Variants in TMEM108 observed in about 807,000 individuals in gnomAD.
The protein encoded by TMEM108 is transmembrane protein 108, also known as cancer/testis antigen 124.
TMEM108 carries 12 observed loss-of-function variants against 35.1 expected under a neutral mutation model. The ratio of observed to expected loss-of-function variants is 0.34; its 90% CI spans 0.22 to 0.55. The LOEUF (loss-of-function observed/expected upper bound fraction) is 0.55. Among genes scored for constraint, TMEM108 ranks in the 20% least tolerant of loss-of-function variants. The probability of loss-of-function intolerance (pLI) is 0.89; values close to 1 mark genes in which losing one functional copy is unlikely to be tolerated. For missense variants in TMEM108, 680 were observed against 753.3 expected, an observed-to-expected ratio of 0.90 and a Z score of 1.14; for synonymous variants, 287 against 308.6, an observed-to-expected ratio of 0.93 and a Z score of 0.73.
At chr3:133,371,433 A>G (rs1174105719) in intron 3 of TMEM108, among the ~76,000 whole-genome samples, 1 of 152,090 alleles carries the variant, frequency 6.6e-6, no homozygotes, top group African/African-American at 2.4e-5. Context: ...CTGAGGCTGA[A>G]GGCCGTGAAC....
chr3:133,174,059 T>G (rs6781099), intron 2 of TMEM108, among the ~76,000 whole-genome samples: 65,238 of 152,118 alleles, frequency 0.43, 14,364 homozygotes, highest in Middle Eastern at 0.51. Context: ...AGGGTCCTAT[T>G]CCCACGGAGC....
chr3:133,339,532 T>C (rs982763115), intron 3 of TMEM108, among the ~76,000 whole-genome samples: 3 of 151,970 alleles, frequency 2.0e-5, no homozygotes, highest in Non-Finnish European at 2.9e-5. Context: ...ACTTTCAGCA[T>C]TGGACAAATC....
intron 2 of TMEM108, among the ~76,000 whole-genome samples, chr3:133,187,214 T>C (rs1945433573): frequency 1.3e-5 from 2 of 152,336 alleles, no homozygotes; most frequent in East Asian, 1.9e-4. Flanking sequence ...TTTTATCTTA[T>C]ATTTTAATAT....
At chr3:133,082,252 A>C (rs1338178996) in intron 2 of TMEM108, among the ~76,000 whole-genome samples, 1 of 152,214 alleles carries the variant, frequency 6.6e-6, no homozygotes, top group Non-Finnish European at 1.5e-5. Flanking sequence ...GGGGGAAATA[A>C]ATGCTAATCA....
At chr3:133,377,994 A>AC (rs11319282) in intron 3 of TMEM108, among the ~76,000 whole-genome samples, 34 of 150,628 alleles carry the variant, frequency 2.3e-4, no homozygotes, top group African/African-American at 4.1e-4. Flanking sequence ...CCAAAACCAT[A>AC]CCCCCCCCGA....
At chr3:133,258,918 T>C (rs1166543173) in intron 3 of TMEM108, among the ~76,000 whole-genome samples, 2 of 152,250 alleles carry the variant, frequency 1.3e-5, no homozygotes, top group African/African-American at 4.8e-5. Flanking sequence ...AAATGTAAGA[T>C]TGAGAGAATG....
chr3:133,144,947 T>C (rs1944695460), intron 2 of TMEM108, among the ~76,000 whole-genome samples: 1 of 152,244 alleles, frequency 6.6e-6, no homozygotes, highest in South Asian at 2.1e-4. Flanking sequence ...TCTTTTGCTA[T>C]GCAGAAGCTC....
chr3:133,210,415 C>A (rs1179535309), intron 2 of TMEM108, among the ~76,000 whole-genome samples: 1 of 152,178 alleles, frequency 6.6e-6, no homozygotes, highest in Non-Finnish European at 1.5e-5. Context: ...GATTCCAAGA[C>A]TTGCTGATCA....
At chr3:133,101,416 C>A in intron 2 of TMEM108, among the ~76,000 whole-genome samples, 1 of 152,168 alleles carries the variant, frequency 6.6e-6, no homozygotes. Flanking sequence ...CAACGTGATC[C>A]TTCTTACATA....
rs1473772712 is a variant in TMEM108 at position 133,390,260 on chromosome 3, A to G, written c.1531A>G (p.Thr511Ala). ...PENNLSYWNNTITMDYFNRHA... is the reference protein window; with the variant it reads ...PENNLSYWNNAITMDYFNRHA... Reference sequence around the variant, plus strand: ...GAACAACCTGAGCTACTGGAACAACACCATCACCATGGACTACTTCAACAG... The same window carrying G: ...GAACAACCTGAGCTACTGGAACAACGCCATCACCATGGACTACTTCAACAG... The change falls in exon 5 of 6, where the codon ACC becomes GCC. Residue 511 changes from threonine (T) to alanine (A), a missense_variant. Coordinates refer to ENST00000321871, the MANE Select transcript of TMEM108 (RefSeq NM_023943.4). The G allele has an allele frequency of 8.7e-6, 14 of 1,614,020 alleles. No homozygotes were observed. Among genetic ancestry groups the G allele is most frequent in the Non-Finnish European group, 1.2e-5 (14 of 1,180,038 alleles).
At chr3:133,257,105 T>C (rs1375357077) in intron 3 of TMEM108, 1 of 152,246 alleles carries the variant, frequency 6.6e-6, no homozygotes, top group Non-Finnish European at 1.5e-5. Flanking sequence ...GAGGTCTTTA[T>C]TGATATTATC....
intron 3 of TMEM108, among the ~76,000 whole-genome samples, chr3:133,266,921 A>G (rs1368146277): frequency 1.3e-5 from 2 of 150,242 alleles, no homozygotes; most frequent in Non-Finnish European, 3.0e-5. Context: ...AAATCCAAAA[A>G]AAAAAAAAAA....
intron 3 of TMEM108, among the ~76,000 whole-genome samples, chr3:133,334,568 A>T (rs2071455856): frequency 6.6e-6 from 1 of 152,144 alleles, no homozygotes; most frequent in Non-Finnish European, 1.5e-5. Context: ...TTCGCAGGTT[A>T]TGGTCCTTGG....
chr3:133,237,173 C>T (rs1265176426), intron 3 of TMEM108, among the ~76,000 whole-genome samples: 1 of 151,764 alleles, frequency 6.6e-6, no homozygotes, highest in Non-Finnish European at 1.5e-5. Context: ...TTTTTTTGTC[C>T]AGCTAACACC....
At chr3:133,082,324 C>T (rs1943822088) in intron 2 of TMEM108, among the ~76,000 whole-genome samples, 1 of 152,210 alleles carries the variant, frequency 6.6e-6, no homozygotes, top group Non-Finnish European at 1.5e-5. Context: ...GAAAGGAAGT[C>T]CATCTTACAG....
rs566076874 is a variant in TMEM108 at position 133,156,850 on chromosome 3, ATC to A, written c.-46-72415_-46-72414del. On this transcript the variant is annotated intron_variant, in intron 2 of 5. Coordinates refer to ENST00000321871, the MANE Select transcript of TMEM108 (RefSeq NM_023943.4). ...GAAGCTTTTAAGAGCCTGTGTGTGAATCATTGTTTTCCCCTTTTTTTCTCTGC... is the reference window on the plus strand; with the variant it reads ...GAAGCTTTTAAGAGCCTGTGTGTGAAATTGTTTTCCCCTTTTTTTCTCTGC... 3.3e-5 allele frequency among the ~76,000 whole-genome samples: 5 copies of A among 152,252 alleles called. No individual in the cohort carries two copies. In the South Asian group the frequency reaches 1.0e-3, roughly 32 times the overall value.
At chr3:133,256,352 T>G (rs1576415925) in intron 3 of TMEM108, among the ~76,000 whole-genome samples, 1 of 152,158 alleles carries the variant, frequency 6.6e-6, no homozygotes, top group Admixed American at 6.5e-5. Flanking sequence ...AAAAAGAACA[T>G]TTCTTCTGAG....
At chr3:133,091,196 A>G (rs890768224) in intron 2 of TMEM108, among the ~76,000 whole-genome samples, 6 of 152,150 alleles carry the variant, frequency 3.9e-5, no homozygotes, top group East Asian at 3.8e-4. Context: ...TTTAATTTGT[A>G]TATCTTTGAT....
chr3:133,300,251 C>T (rs919397160), intron 3 of TMEM108, among the ~76,000 whole-genome samples: 3 of 152,012 alleles, frequency 2.0e-5, no homozygotes, highest in East Asian at 1.9e-4. Flanking sequence ...CTGAAAGAGA[C>T]GGATTAATGT....
Sources: allele counts gnomAD v4.1 joint callset (sites outside exome capture counted in the v4.1 genomes callset), GRCh38; gene constraint gnomAD v4.1.1; transcripts MANE v1.5; gene names NCBI Gene and HGNC (gene_info 2026-07-23, HGNC 2026-07-21).